Variants in YWHAB observed in about 807,000 individuals in gnomAD.
YWHAB encodes 14-3-3 protein beta/alpha.
A neutral mutation model predicts 28.5 loss-of-function variants in YWHAB; 2 were observed. The ratio of observed to expected loss-of-function variants is 0.07; its 90% confidence interval spans 0.03 to 0.22. The LOEUF is 0.22. YWHAB is among the 10% of genes least tolerant of loss of function. YWHAB has a pLI of 1.00. For synonymous variants in YWHAB, 103 were observed against 104.7 expected, an observed-to-expected ratio of 0.98 and a Z score of 0.10; for missense variants, 148 against 297.1, an observed-to-expected ratio of 0.50 and a Z score of 3.69.
chr20:44,890,040 C>T (rs924930004), intron 1 of YWHAB, among the ~76,000 whole-genome samples: 4 of 152,144 alleles, frequency 2.6e-5, no homozygotes, highest in Admixed American at 2.0e-4. Flanking sequence ...GGATCAAATG[C>T]GTTTCTAGGA....
At chr20:44,894,971 A>G (rs948195689) in intron 1 of YWHAB, among the ~76,000 whole-genome samples, 2 of 152,280 alleles carry the variant, frequency 1.3e-5, no homozygotes, top group African/African-American at 4.8e-5. Context: ...GCACAGTTAT[A>G]AGCATTAAAT....
intron 1 of YWHAB, among the ~76,000 whole-genome samples, chr20:44,895,259 G>A (rs934687280): frequency 1.3e-5 from 2 of 152,188 alleles, no homozygotes; most frequent in African/African-American, 4.8e-5. Flanking sequence ...ACACGTTTGA[G>A]CATTGTGTTT....
At position 44,908,285 on chromosome 20, in the gene YWHAB, C is replaced by T. The variant is rs745580135; in HGVS notation, c.*1847C>T. 6.6e-6 allele frequency: 1 copy of T among 152,542 alleles called. No individual in the cohort carries two copies. Among genetic ancestry groups the T allele is most frequent in the African/African-American group, 2.4e-5 (1 of 41,398 alleles). The allele number at this position is 152,542 out of a possible 1,614,324, so 9.4% of individuals were successfully genotyped here. On this transcript the variant is annotated 3_prime_UTR_variant, in exon 6 of 6. Coordinates refer to ENST00000353703, the MANE Select transcript of YWHAB (RefSeq NM_139323.4). Reference sequence around the variant, plus strand: ...AAGCCTGTCTGTATATCTGGTAGCTCTTTTCTTGCTTTGTTTTTTCTTACC... The same window carrying T: ...AAGCCTGTCTGTATATCTGGTAGCTTTTTTCTTGCTTTGTTTTTTCTTACC...
At position 44,893,679 on chromosome 20, in the gene YWHAB, C is replaced by A. The variant is rs115947992; in HGVS notation, c.-4+7793C>A. On this transcript the variant is annotated intron_variant, in intron 1 of 5. Coordinates refer to ENST00000353703, the MANE Select transcript of YWHAB (RefSeq NM_139323.4). Reference sequence around the variant, plus strand: ...CCACGTAATCTTGTACCATCTATCTCCTTCCCTCCCCTGCCTTTTTTTTTT... The same window carrying A: ...CCACGTAATCTTGTACCATCTATCTACTTCCCTCCCCTGCCTTTTTTTTTT... 6.7e-3 allele frequency among the ~76,000 whole-genome samples: 992 copies of A among 148,162 alleles called. 9 individuals are homozygous for A. The highest frequency in any genetic ancestry group is 0.023 in the African/African-American group (934 of 39,886).
At chr20:44,900,902 A>G (rs2066622458) in intron 1 of YWHAB, among the ~76,000 whole-genome samples, 1 of 152,030 alleles carries the variant, frequency 6.6e-6, no homozygotes, top group South Asian at 2.1e-4. Flanking sequence ...CAGCCTCCCC[A>G]GTAGCTGGGA....
chr20:44,892,960 G>A (rs753650716), intron 1 of YWHAB, among the ~76,000 whole-genome samples: 12 of 151,962 alleles, frequency 7.9e-5, no homozygotes, highest in African/African-American at 9.7e-5. Context: ...TATTATTTTC[G>A]AATCGAGCAT....
At chr20:44,893,897 A>G (rs902754678) in intron 1 of YWHAB, among the ~76,000 whole-genome samples, 5 of 151,840 alleles carry the variant, frequency 3.3e-5, no homozygotes, top group Non-Finnish European at 5.9e-5. Flanking sequence ...GGGTTTCACC[A>G]CATTGGCCAC....
chr20:44,898,611 C>G (rs181758985), intron 1 of YWHAB, among the ~76,000 whole-genome samples: 8 of 151,788 alleles, frequency 5.3e-5, no homozygotes, highest in Non-Finnish European at 1.2e-4. Flanking sequence ...CGGGTTCAAG[C>G]GATTCTCTTG....
intron 1 of YWHAB, 22 bp downstream of exon 1, chr20:44,885,908 AC>A (rs2066523308): frequency 6.5e-6 from 1 of 152,802 alleles, no homozygotes; most frequent in African/African-American, 2.4e-5. Context: ...GCGGGGTCCG[AC>A]CGGGGCCCCC....
Position 44,901,768 on chromosome 20 carries a change from C to CAGAT in YWHAB, c.236_239dup (p.Met80IlefsTer8). 6.2e-7 allele frequency: 1 copy of CAGAT among 1,613,464 alleles called. No individual in the cohort carries two copies. Among genetic ancestry groups the CAGAT allele is most frequent in the Non-Finnish European group, 8.5e-7 (1 of 1,179,460 alleles). ...AACAGAGAGGAATGAGAAGAAGCAG[C>CAGAT]AGATGGGCAAAGAGTACCGTGAGAA... On this transcript the variant is annotated frameshift_variant, in exon 2 of 6. Transcript: ENST00000353703. LOFTEE classifies it high-confidence loss of function.
chr20:44,888,387 T>C (rs2066540491), intron 1 of YWHAB, among the ~76,000 whole-genome samples: 1 of 152,138 alleles, frequency 6.6e-6, no homozygotes, highest in African/African-American at 2.4e-5. Context: ...CAATGAAAGG[T>C]AAGACTGTTA....
chr20:44,903,894 A>T, intron 2 of YWHAB, 99 bp from the exon 3 acceptor site: 1 of 1,413,196 alleles, frequency 7.1e-7, no homozygotes, highest in Non-Finnish European at 9.5e-7. Flanking sequence ...TTAATCTTCC[A>T]AAAAATTATT....
intron 3 of YWHAB, 152 bp downstream of exon 3, chr20:44,904,268 A>G: frequency 1.0e-6 from 1 of 991,072 alleles, no homozygotes; most frequent in Non-Finnish European, 1.4e-6. Context: ...GAACGGGGTC[A>G]TGGGCGGGCA....
At chr20:44,903,025 C>T (rs2066636319) in intron 2 of YWHAB, 5 of 985,696 alleles carry the variant, frequency 5.1e-6, no homozygotes, top group Non-Finnish European at 6.0e-6. Context: ...TACTTACTGC[C>T]TCTTAACCAG....
At position 44,906,998 on chromosome 20, in the gene YWHAB, G is replaced by A. The variant is rs924207277; in HGVS notation, c.*560G>A. The A allele has an allele frequency of 1.3e-5, 2 of 152,358 alleles. No individual in the cohort carries two copies. The highest frequency in any genetic ancestry group is 4.8e-5 in the African/African-American group (2 of 41,458). 9.4% of individuals were successfully genotyped at this position (152,358 alleles called of 1,614,324 possible). A position where few individuals can be genotyped will look rare whatever the true frequency, so the allele number is the denominator to read the frequency against. On this transcript the variant is annotated 3_prime_UTR_variant, in exon 6 of 6. Coordinates refer to ENST00000353703, the MANE Select transcript of YWHAB (RefSeq NM_139323.4). ...CTGTTTGGGCTGTTGCCACTTAAAAGTTCATGACCACAAATGTCCACAGTG... is the reference window on the plus strand; with the variant it reads ...CTGTTTGGGCTGTTGCCACTTAAAAATTCATGACCACAAATGTCCACAGTG...
intron 1 of YWHAB, 53 bp from the exon 2 acceptor site, chr20:44,901,478 T>G: frequency 6.6e-7 from 1 of 1,512,732 alleles, no homozygotes. Context: ...ACACGTTTCC[T>G]AGGCCCCGAA....
intron 5 of YWHAB, 32 bp from the exon 6 acceptor site, chr20:44,906,350 C>T (rs778178549): frequency 6.2e-7 from 1 of 1,611,686 alleles, no homozygotes; most frequent in Non-Finnish European, 8.5e-7. Context: ...TTTTAGTAGC[C>T]CTGCTTTGAT....
chr20:44,888,704 A>G (rs2066542716), intron 1 of YWHAB, among the ~76,000 whole-genome samples: 2 of 152,244 alleles, frequency 1.3e-5, no homozygotes, highest in South Asian at 4.1e-4. Context: ...TCTGGCCTGT[A>G]GGGATGATAA....
At chr20:44,906,353 G>A (rs371792112) in intron 5 of YWHAB, 29 bp from the exon 6 acceptor site, 2 of 1,612,350 alleles carry the variant, frequency 1.2e-6, no homozygotes, top group African/African-American at 2.7e-5. Context: ...TAGTAGCCCT[G>A]CTTTGATTAT....
Sources: gnomAD v4.1 joint callset for allele counts (sites outside exome capture counted in the v4.1 genomes callset) on GRCh38, gnomAD v4.1.1 for gene constraint, MANE v1.5 for transcripts, NCBI Gene and HGNC (gene_info 2026-07-23, HGNC 2026-07-21) for gene names.